Variants in TOX observed in about 807,000 individuals in gnomAD.
TOX encodes the protein thymocyte selection associated high mobility group box.
TOX carries 11 observed loss-of-function variants against 53.7 expected under a neutral mutation model. The observed-to-expected ratio is 0.20, with a 90% CI of 0.13 to 0.34. The LOEUF is 0.34. Ranked by LOEUF, TOX falls within the 10% of genes least tolerant of loss-of-function variation. The probability of loss-of-function intolerance (pLI) is 1.00; values close to 1 mark genes in which losing one functional copy is unlikely to be tolerated. For synonymous variants in TOX, 225 were observed against 245.3 expected (o/e 0.92, Z 0.77); for missense variants, 570 against 664.6 (o/e 0.86, Z 1.56).
chr8:58,972,591 C>A (rs1305727015), intron 1 of TOX, among the ~76,000 whole-genome samples: 1 of 152,148 alleles, frequency 6.6e-6, no homozygotes, highest in Admixed American at 6.5e-5. Flanking sequence ...CCATAACAAT[C>A]ACTCTTTGTA....
At position 58,887,229 on chromosome 8, in the gene TOX, G is replaced by T. The variant is rs546379520; in HGVS notation, c.412-35424C>A. Among the ~76,000 whole-genome samples, 35 of 151,836 alleles carry T rather than the reference G, an allele frequency of 2.3e-4. No homozygotes were observed. The South Asian group carries it at 6.8e-3, about 30-fold the overall frequency. On this transcript the variant is annotated intron_variant, in intron 3 of 8. Coordinates refer to ENST00000361421, the MANE Select transcript of TOX (RefSeq NM_014729.3). Reference sequence around the variant, plus strand: ...TTTTTCATATTTTATTTAGGTTTTTGTGTTGGTATTTATTAGTGAGCCTGT... The same window carrying T: ...TTTTTCATATTTTATTTAGGTTTTTTTGTTGGTATTTATTAGTGAGCCTGT...
intron 3 of TOX, among the ~76,000 whole-genome samples, chr8:58,896,316 T>A (rs1338923542): frequency 1.3e-5 from 2 of 152,152 alleles, no homozygotes; most frequent in Admixed American, 1.3e-4. Context: ...TCTGAGCCCC[T>A]GGAAATAGGT....
At chr8:58,915,120 G>C (rs555695545) in intron 3 of TOX, among the ~76,000 whole-genome samples, 2 of 151,318 alleles carry the variant, frequency 1.3e-5, no homozygotes, top group South Asian at 4.2e-4. Flanking sequence ...CAACGAGGCT[G>C]GGGGAGGGGC....
At chr8:58,827,577 A>T (rs1810386703) in intron 5 of TOX, among the ~76,000 whole-genome samples, 2 of 152,216 alleles carry the variant, frequency 1.3e-5, no homozygotes. Context: ...ACTGGATGTC[A>T]TGGGTCTGTG....
chr8:58,921,029 A>AT (rs1334705998), intron 3 of TOX, among the ~76,000 whole-genome samples: 1 of 152,134 alleles, frequency 6.6e-6, no homozygotes, highest in African/African-American at 2.4e-5. Flanking sequence ...GTGTCCAGTC[A>AT]TTTTTTAGGA....
intron 1 of TOX, among the ~76,000 whole-genome samples, chr8:58,961,600 T>G (rs1301134802): frequency 1.3e-5 from 2 of 151,736 alleles, no homozygotes; most frequent in African/African-American, 4.8e-5. Flanking sequence ...CGATCGCAGC[T>G]CACTGCAATC....
intron 6 of TOX, among the ~76,000 whole-genome samples, chr8:58,820,667 A>G (rs1321658540): frequency 6.6e-6 from 1 of 152,170 alleles, no homozygotes; most frequent in Non-Finnish European, 1.5e-5. Context: ...ATGTTTGGGG[A>G]AAAGAATGAG....
At chr8:58,888,821 C>T (rs1811514194) in intron 3 of TOX, among the ~76,000 whole-genome samples, 2 of 151,902 alleles carry the variant, frequency 1.3e-5, no homozygotes, top group African/African-American at 4.8e-5. Context: ...AGGGATTACT[C>T]AATGCATGTC....
intron 4 of TOX, among the ~76,000 whole-genome samples, chr8:58,850,659 A>T (rs1345708630): frequency 6.6e-6 from 1 of 152,190 alleles, no homozygotes. Flanking sequence ...CTAGCCCTGA[A>T]TTTCCAGGAT....
chr8:58,831,932 A>G (rs905123308), intron 5 of TOX, among the ~76,000 whole-genome samples: 1 of 152,064 alleles, frequency 6.6e-6, no homozygotes. Context: ...ATAAAGCACA[A>G]CAGACTTGAA....
intron 1 of TOX, among the ~76,000 whole-genome samples, chr8:59,113,281 C>A (rs924125862): frequency 1.3e-5 from 2 of 152,154 alleles, no homozygotes; most frequent in African/African-American, 4.8e-5. Flanking sequence ...AAATACACTG[C>A]ATAAAATGGT....
intron 3 of TOX, among the ~76,000 whole-genome samples, chr8:58,889,807 C>T (rs1344313430): frequency 1.3e-5 from 2 of 151,970 alleles, no homozygotes; most frequent in Admixed American, 6.6e-5. Flanking sequence ...CTTAATATTG[C>T]TAAGTTTTTA....
intron 3 of TOX, among the ~76,000 whole-genome samples, chr8:58,900,482 T>G (rs568285157): frequency 6.6e-6 from 1 of 152,266 alleles, no homozygotes; most frequent in South Asian, 2.1e-4. Flanking sequence ...CAACTAGCAT[T>G]TTAATCATTT....
intron 1 of TOX, among the ~76,000 whole-genome samples, chr8:59,036,335 G>A (rs1261550853): frequency 6.6e-6 from 1 of 152,200 alleles, no homozygotes; most frequent in Non-Finnish European, 1.5e-5. Context: ...GAGATGGACT[G>A]CAGATGACAT....
Position 58,807,002 on chromosome 8 carries a change from T to C in TOX, c.*745A>G, listed in dbSNP as rs926863466. The C allele has an allele frequency of 6.6e-6, 1 of 152,604 alleles. No individual in the cohort carries two copies. Among genetic ancestry groups the C allele is most frequent in the African/African-American group, 2.4e-5 (1 of 41,436 alleles). The allele number at this position is 152,604 out of a possible 1,614,324, so 9.5% of individuals were successfully genotyped here. Reference sequence around the variant, plus strand: ...GGACTTAAATGACATTTACTAACCATTACACAAAAAGTGATACAAAAAAGC... The same window carrying C: ...GGACTTAAATGACATTTACTAACCACTACACAAAAAGTGATACAAAAAAGC... On this transcript the variant is annotated 3_prime_UTR_variant, in exon 9 of 9. Transcript: ENST00000361421.
At chr8:58,840,440 T>C (rs533768727) in intron 4 of TOX, among the ~76,000 whole-genome samples, 214 of 152,284 alleles carry the variant, frequency 1.4e-3, no homozygotes, top group Non-Finnish European at 2.2e-3. Context: ...GGCATAACAA[T>C]GCTATATTAA....
intron 1 of TOX, among the ~76,000 whole-genome samples, chr8:59,031,645 G>A (rs190838044): frequency 6.6e-5 from 10 of 152,278 alleles, no homozygotes; most frequent in Non-Finnish European, 1.5e-4. Context: ...GAATAGTGAA[G>A]ATGTTTTAGA....
chr8:58,897,817 CA>C (rs917683736), intron 3 of TOX, among the ~76,000 whole-genome samples: 1 of 150,922 alleles, frequency 6.6e-6, no homozygotes, highest in Non-Finnish European at 1.5e-5. Context: ...GATATTTCTA[CA>C]TTTTTTTTTT....
intron 1 of TOX, among the ~76,000 whole-genome samples, chr8:59,052,001 A>G (rs1400584700): frequency 6.6e-6 from 1 of 152,174 alleles, no homozygotes; most frequent in Non-Finnish European, 1.5e-5. Context: ...TTGGAATCAT[A>G]TCCCTGTTAA....
Sources: gnomAD v4.1 joint callset for allele counts (sites outside exome capture counted in the v4.1 genomes callset) on GRCh38, gnomAD v4.1.1 for gene constraint, MANE v1.5 for transcripts, NCBI Gene and HGNC (gene_info 2026-07-23, HGNC 2026-07-21) for gene names.